The following ZZEF1 variants were observed in gnomAD, a reference collection of about 807,000 sequenced individuals.
ZZEF1 encodes the protein zinc finger ZZ-type and EF-hand domain-containing protein 1.
ZZEF1 carries 157 observed loss-of-function variants against 342.8 expected under a neutral mutation model. That is an observed-to-expected ratio of 0.46 (90% CI 0.40 to 0.52). ZZEF1 has a LOEUF of 0.52. ZZEF1 is among the 20% of genes least tolerant of loss of function. ZZEF1 has a pLI of 0.00. For missense variants in ZZEF1, 3,480 were observed against 3,725.6 expected (o/e 0.93, Z 1.72); for synonymous variants, 1,505 against 1,429.1 (o/e 1.05, Z -1.20).
intron 16 of ZZEF1, 125 bp from the exon 17 acceptor site, chr17:4,082,629 T>C (rs560659628): frequency 2.4e-6 from 2 of 847,324 alleles, no homozygotes; most frequent in South Asian, 1.5e-5. Flanking sequence ...GCCAGCAGAC[T>C]ACCTCACAGC....
chr17:4,109,369 A>G (rs531513881), intron 6 of ZZEF1, among the ~76,000 whole-genome samples: 2 of 152,318 alleles, frequency 1.3e-5, no homozygotes, highest in East Asian at 1.9e-4. Flanking sequence ...CCTCCTCACA[A>G]GACTGGTCCA....
intron 42 of ZZEF1, among the ~76,000 whole-genome samples, chr17:4,025,375 A>C (rs1441844378): frequency 6.6e-6 from 1 of 152,176 alleles, no homozygotes; most frequent in Non-Finnish European, 1.5e-5. Context: ...CACAGGTGTT[A>C]ACAAAAGTTC....
At chr17:4,120,963 G>C (rs1219782684) in intron 2 of ZZEF1, among the ~76,000 whole-genome samples, 1 of 152,204 alleles carries the variant, frequency 6.6e-6, no homozygotes, top group Non-Finnish European at 1.5e-5. Flanking sequence ...ACTAGTTTTA[G>C]TGCAGACGAA....
At chr17:4,133,633 C>T (rs2058703507) in intron 1 of ZZEF1, among the ~76,000 whole-genome samples, 1 of 152,162 alleles carries the variant, frequency 6.6e-6, no homozygotes, top group Non-Finnish European at 1.5e-5. Context: ...ACTCCCTGCA[C>T]CTCCAACTTC....
At chr17:4,007,065 G>C in intron 54 of ZZEF1, 95 bp from the exon 55 acceptor site, 1 of 1,134,866 alleles carries the variant, frequency 8.8e-7, no homozygotes, top group Non-Finnish European at 1.2e-6. Context: ...GAGGATGTGG[G>C]GACGGAGGAG....
At position 4,037,809 on chromosome 17, in the gene ZZEF1, C is replaced by T. The variant is rs1197095124; in HGVS notation, c.6307-3517G>A. ...TGTTTCCCAGGCTGGTCTCGAACTC[C>T]TGGGTTCAAGCAACCCTCCTACTTG... On this transcript the variant is annotated intron_variant, in intron 39 of 54. Coordinates refer to ENST00000381638, the MANE Select transcript of ZZEF1 (RefSeq NM_015113.4). 2.6e-5 allele frequency among the ~76,000 whole-genome samples: 4 copies of T among 152,268 alleles called. No homozygotes were observed. The East Asian group carries it at 5.8e-4, about 22-fold the overall frequency.
chr17:4,139,036 A>G (rs138051593), intron 1 of ZZEF1, among the ~76,000 whole-genome samples: 1,557 of 143,978 alleles, frequency 0.011, 225 homozygotes, highest in African/African-American at 0.04. Context: ...TGTGAAAGCA[A>G]GACAGCTGCG....
At chr17:4,018,732 G>A (rs1428049601) in intron 46 of ZZEF1, among the ~76,000 whole-genome samples, 2 of 152,218 alleles carry the variant, frequency 1.3e-5, no homozygotes, top group African/African-American at 4.8e-5. Context: ...CCCAGCTAGA[G>A]ACATGGTTAG....
At chr17:4,137,349 G>A (rs943887351) in intron 1 of ZZEF1, among the ~76,000 whole-genome samples, 5 of 152,292 alleles carry the variant, frequency 3.3e-5, no homozygotes, top group Middle Eastern at 3.4e-3. Context: ...GATGGCTCAT[G>A]CCTGTAATCC....
chr17:4,020,836 TA>T (rs1412231930), intron 45 of ZZEF1, among the ~76,000 whole-genome samples: 1 of 152,236 alleles, frequency 6.6e-6, no homozygotes, highest in Non-Finnish European at 1.5e-5. Flanking sequence ...AGGGCTTTAG[TA>T]AGCCCTTGAA....
intron 30 of ZZEF1, among the ~76,000 whole-genome samples, chr17:4,060,887 A>G (rs1331942710): frequency 6.6e-6 from 1 of 152,128 alleles, no homozygotes; most frequent in Non-Finnish European, 1.5e-5. Context: ...CTCAACTTAT[A>G]CAACTGCTAC....
intron 30 of ZZEF1, among the ~76,000 whole-genome samples, chr17:4,059,629 C>G (rs542152973): frequency 1.2e-4 from 18 of 152,290 alleles, no homozygotes; most frequent in African/African-American, 4.3e-4. Flanking sequence ...CACACAATCA[C>G]GCTCACCCCT....
At chr17:4,096,049 G>A in intron 10 of ZZEF1, 70 bp from the exon 11 acceptor site, 6 of 1,488,094 alleles carry the variant, frequency 4.0e-6, no homozygotes, top group Non-Finnish European at 4.5e-6. Flanking sequence ...TTTCCAGCAT[G>A]GTTAAATTCA....
chr17:4,129,334 G>T (rs1393855633), intron 1 of ZZEF1, among the ~76,000 whole-genome samples: 1 of 152,098 alleles, frequency 6.6e-6, no homozygotes, highest in African/African-American at 2.4e-5. Flanking sequence ...TCCTCAAAAA[G>T]CTAAAAACAG....
intron 23 of ZZEF1, among the ~76,000 whole-genome samples, chr17:4,074,589 ACCATCTGT>A (rs1374448568): frequency 6.6e-6 from 1 of 152,220 alleles, no homozygotes; most frequent in Non-Finnish European, 1.5e-5. Flanking sequence ...ACCTGGGGTG[ACCATCTGT>A]CCACTACCGA....
Position 4,050,767 on chromosome 17 carries a change from C to T in ZZEF1, c.5863+14G>A, listed in dbSNP as rs2057026743. ...CTGAGGGCTGGTTTTGGTTTCTGTG[C>T]ATTGGGAAGTCACCTTTTCCCTGAT... is the stretch of plus-strand genomic sequence containing the variant. On this transcript the variant is annotated intron_variant, in intron 36 of 54. Transcript: ENST00000381638. 6.2e-7 allele frequency: 1 copy of T among 1,612,876 alleles called. No individual in the cohort carries two copies. Among genetic ancestry groups the T allele is most frequent in the Admixed American group, 1.7e-5 (1 of 59,986 alleles).
At chr17:4,010,588 G>A (rs2055921009) in intron 52 of ZZEF1, among the ~76,000 whole-genome samples, 1 of 151,668 alleles carries the variant, frequency 6.6e-6, no homozygotes, top group Admixed American at 6.6e-5. Flanking sequence ...AGCTGAGCGT[G>A]GTGGTGGGCG....
rs557667137 is a variant in ZZEF1 at position 4,034,369 on chromosome 17, T to C, written c.6307-77A>G. 1.3e-4 allele frequency: 196 copies of C among 1,478,994 alleles called. 1 individual carries two copies. The highest frequency in any genetic ancestry group is 1.8e-4 in the Middle Eastern group (1 of 5,488). 91.6% of individuals were successfully genotyped at this position (1,478,994 alleles called of 1,614,324 possible). ...CTTGCTAAATATTATATCTCCCTCC[T>C]ACCTTATTTACAGCTGGCCTAGTGC... is the stretch of plus-strand genomic sequence containing the variant. On this transcript the variant is annotated intron_variant, in intron 39 of 54. Coordinates refer to ENST00000381638, the MANE Select transcript of ZZEF1 (RefSeq NM_015113.4).
chr17:4,054,243 C>T, intron 33 of ZZEF1, 48 bp from the exon 34 acceptor site: 1 of 1,576,774 alleles, frequency 6.3e-7, no homozygotes, highest in African/African-American at 1.3e-5. Flanking sequence ...TCTAAGGTGG[C>T]CACAATTCAC....
Sources: allele counts gnomAD v4.1 joint callset (sites outside exome capture counted in the v4.1 genomes callset), GRCh38; gene constraint gnomAD v4.1.1; transcripts MANE v1.5; gene names NCBI Gene and HGNC (gene_info 2026-07-23, HGNC 2026-07-21).